The following CDK5RAP2 variants were observed in gnomAD, a reference collection of about 807,000 sequenced individuals.
The protein encoded by CDK5RAP2 is CDK5 regulatory subunit associated protein 2.
A neutral mutation model predicts 232.9 loss-of-function variants in CDK5RAP2; 147 were observed. The observed-to-expected ratio is 0.63, with a 90% CI of 0.55 to 0.72. The LOEUF (loss-of-function observed/expected upper bound fraction) is 0.72. CDK5RAP2 is among the 30% of genes least tolerant of loss of function. The probability of loss-of-function intolerance (pLI) is 0.00; values close to 1 mark genes in which losing one functional copy is unlikely to be tolerated. For synonymous variants in CDK5RAP2, 833 were observed against 833.7 expected (o/e 1.00, Z 0.01); for missense variants, 2,195 against 2,231.5 (o/e 0.98, Z 0.33).
At chr9:120,566,191 A>G (rs1313904336) in intron 3 of CDK5RAP2, among the ~76,000 whole-genome samples, 1 of 152,204 alleles carries the variant, frequency 6.6e-6, no homozygotes, top group Non-Finnish European at 1.5e-5. Context: ...CATCCCACAG[A>G]AAGTTCAGAC....
chr9:120,415,297 G>A (rs2034146345), intron 27 of CDK5RAP2, 138 bp from the exon 28 acceptor site: 1 of 919,850 alleles, frequency 1.1e-6, no homozygotes, highest in Non-Finnish European at 1.7e-6. Context: ...TTCTTTCCTA[G>A]GCATGGGGAG....
At position 120,403,960 on chromosome 9, in the gene CDK5RAP2, C is replaced by G; in HGVS notation, c.5041+76G>C. The G allele has an allele frequency of 1.0e-6, 1 of 983,356 alleles. No individual in the cohort carries two copies. The highest frequency in any genetic ancestry group is 1.3e-5 in the South Asian group (1 of 77,806). 60.9% of individuals were successfully genotyped at this position (983,356 alleles called of 1,614,324 possible). On this transcript the variant is annotated intron_variant, in intron 33 of 37. Transcript: ENST00000349780. The surrounding 1 kb of genome is among the most constrained non-coding windows in gnomAD (Gnocchi z 4.2). ...ACCCTCCTGAGTTGGGACCAGGGAC[C>G]CCCCTTTTCTGCAAGTTAAAAAGTC...
chr9:120,434,905 G>A (rs2035488124), intron 25 of CDK5RAP2, among the ~76,000 whole-genome samples: 1 of 152,144 alleles, frequency 6.6e-6, no homozygotes, highest in Admixed American at 6.5e-5. Context: ...AGAGAGAAAG[G>A]GGAATGGAAA....
At chr9:120,531,412 A>G (rs1181708763) in intron 7 of CDK5RAP2, among the ~76,000 whole-genome samples, 5 of 152,122 alleles carry the variant, frequency 3.3e-5, no homozygotes, top group African/African-American at 1.2e-4. Context: ...GTGTTATCAA[A>G]TAACACAATA....
intron 26 of CDK5RAP2, 123 bp downstream of exon 26, chr9:120,422,570 A>T (rs1439391108): frequency 1.3e-6 from 1 of 765,342 alleles, no homozygotes; most frequent in Non-Finnish European, 2.4e-6. Flanking sequence ...AGATGTTTAT[A>T]CCTTATTTAC....
chr9:120,400,989 T>C (rs868067882), intron 34 of CDK5RAP2, 104 bp from the exon 35 acceptor site: 2 of 1,298,200 alleles, frequency 1.5e-6, no homozygotes, highest in African/African-American at 1.5e-5. Context: ...GGCTTCTGTT[T>C]CACACGCTGA....
Position 120,572,057 on chromosome 9 carries a change from T to C in CDK5RAP2, c.60-16A>G. 1.3e-6 allele frequency: 2 copies of C among 1,586,262 alleles called. No homozygotes were observed. Among genetic ancestry groups the C allele is most frequent in the Non-Finnish European group, 1.7e-6 (2 of 1,155,176 alleles). On this transcript the variant is annotated splice_polypyrimidine_tract_variant and intron_variant, in intron 1 of 37. Transcript: ENST00000349780. ...AACAAGGCCACTAGGAGAGAACACA[T>C]GAGATAAGAGATGAGCTAATGTTTG...
intron 18 of CDK5RAP2, among the ~76,000 whole-genome samples, chr9:120,466,810 A>G (rs2037402937): frequency 6.6e-6 from 1 of 152,236 alleles, no homozygotes; most frequent in South Asian, 2.1e-4. Context: ...AGACAGCTTA[A>G]GGCTGACAAA....
intron 12 of CDK5RAP2, among the ~76,000 whole-genome samples, chr9:120,513,460 TAGAGGA>T (rs1238952780): frequency 3.9e-5 from 6 of 152,166 alleles, no homozygotes; most frequent in Admixed American, 1.3e-4. Context: ...GACACATCCC[TAGAGGA>T]ACCACCCTTT....
At position 120,484,889 on chromosome 9, in the gene CDK5RAP2, A is replaced by T. The variant is rs111318820; in HGVS notation, c.1626+2405T>A. Among the ~76,000 whole-genome samples the T allele has an allele frequency of 2.8e-3, 400 of 143,664 alleles. 3 individuals carry two copies. The highest frequency in any genetic ancestry group is 8.9e-3 in the African/African-American group (350 of 39,366). 94.2% of individuals were successfully genotyped at this position (143,664 alleles called of 152,430 possible). A position where few individuals can be genotyped will look rare whatever the true frequency, so the allele number is the denominator to read the frequency against. ...ACCACTGTGCCAACCTAATTTTAAT[A>T]TTTTTTTTTTTTTTGTAGATACTGG... is the stretch of plus-strand genomic sequence containing the variant. On this transcript the variant is annotated intron_variant, in intron 14 of 37. Transcript: ENST00000349780.
At chr9:120,437,180 A>G (rs1451335806) in intron 25 of CDK5RAP2, 115 bp downstream of exon 25, 1 of 769,820 alleles carries the variant, frequency 1.3e-6, no homozygotes, top group Admixed American at 2.0e-5. Context: ...TCACCTCATC[A>G]AGGCAGAGGG....
Position 120,439,780 on chromosome 9 carries a change from T to C in CDK5RAP2, c.3341A>G (p.Gln1114Arg), listed in dbSNP as rs1433388012. ...NTSNETEYLK[Q>R]KIHDLETELE... The stretch of plus-strand genomic sequence containing the variant: ...CTCAGTTTCCAAGTCATGGATTTTC[T>C]GTTTTAAGTATTCTGTCTCATTTGA... Residue 1114 changes from glutamine (Q) to arginine (R), a missense_variant, in exon 24 of 38, where the codon CAG (glutamine) becomes CGG (arginine). Physicochemically the swap from Gln to Arg is conservative, Grantham distance 43. Coordinates refer to ENST00000349780, the MANE Select transcript of CDK5RAP2 (RefSeq NM_018249.6). 1.2e-6 allele frequency: 2 copies of C among 1,614,110 alleles called. No homozygotes were observed. Among genetic ancestry groups the C allele is most frequent in the South Asian group, 1.1e-5 (1 of 91,092 alleles).
intron 20 of CDK5RAP2, among the ~76,000 whole-genome samples, chr9:120,458,121 T>G (rs899859260): frequency 6.6e-6 from 1 of 152,186 alleles, no homozygotes; most frequent in African/African-American, 2.4e-5. Flanking sequence ...TTTAAGCTGT[T>G]GTCGAAACTG....
chr9:120,447,914 G>C lies in CDK5RAP2; in HGVS notation c.3006C>G (p.Pro1002=), dbSNP rs149463541. The change falls in exon 22 of 38, where the codon CCC becomes CCG. Residue 1002 remains proline (P), a synonymous_variant. Transcript: ENST00000349780. ...AEAVMEGRPT[P]DKTLLNAQPP... ...GCTTACCATTCAGCAACGTTTTGTC[G>C]GGCGTTGGCCTCCCCTCCATCACTG... 1.0e-4 allele frequency: 167 copies of C among 1,613,954 alleles called. 2 individuals carry two copies. In the Middle Eastern group the frequency reaches 3.0e-3, roughly 29 times the overall value.
rs1471719844 is a variant in CDK5RAP2, at chr9:120,572,107, C to G, written c.60-66G>C. On this transcript the variant is annotated intron_variant, in intron 1 of 37. Coordinates refer to ENST00000349780, the MANE Select transcript of CDK5RAP2 (RefSeq NM_018249.6). ...GAACAACAGAGACTGTTAAGACGGT[C>G]TGGACTGCACATGACAATCATCCCA... The G allele has an allele frequency of 2.2e-5, 26 of 1,208,638 alleles. No individual in the cohort carries two copies. The East Asian group carries it at 6.1e-4, about 28-fold the overall frequency. The allele number at this position is 1,208,638 out of a possible 1,614,324, so 74.9% of individuals were successfully genotyped here. A position where few individuals can be genotyped will look rare whatever the true frequency, so the allele number is the denominator to read the frequency against.
rs940196596 is a variant in CDK5RAP2 at position 120,580,021 on chromosome 9, G to A, written c.-43C>T. On this transcript the variant is annotated 5_prime_UTR_variant, in exon 1 of 38. Transcript: ENST00000349780. Reference sequence around the variant, plus strand: ...CAGCGTTGGTGTCTGTGGCGGCGGCGCCACTAGTACCCCCCGCGATAGCGA... The same window carrying A: ...CAGCGTTGGTGTCTGTGGCGGCGGCACCACTAGTACCCCCCGCGATAGCGA... 26 of 1,366,708 alleles carry A rather than the reference G, an allele frequency of 1.9e-5. No individual in the cohort carries two copies. The highest frequency in any genetic ancestry group is 2.6e-5 in the Non-Finnish European group (25 of 961,008). The allele number at this position is 1,366,708 out of a possible 1,614,324, so 84.7% of individuals were successfully genotyped here.
intron 15 of CDK5RAP2, among the ~76,000 whole-genome samples, chr9:120,474,289 C>G (rs1184720230): frequency 6.6e-6 from 1 of 152,152 alleles, no homozygotes; most frequent in Non-Finnish European, 1.5e-5. Flanking sequence ...GCCAAGATTG[C>G]TGATTTTCAT....
At chr9:120,422,802 T>C (rs1380396427) in intron 25 of CDK5RAP2, 61 bp from the exon 26 acceptor site, 4 of 1,242,820 alleles carry the variant, frequency 3.2e-6, no homozygotes, top group Non-Finnish European at 4.7e-6. Flanking sequence ...TGTTCCCTAA[T>C]AATTTCCTGC....
chr9:120,401,150 T>G, intron 34 of CDK5RAP2: 1 of 462,224 alleles, frequency 2.2e-6, no homozygotes, highest in South Asian at 2.2e-5. Context: ...TAACTACAGT[T>G]ACTACTCCAA....
Sources: gnomAD v4.1 joint callset for allele counts (sites outside exome capture counted in the v4.1 genomes callset) on GRCh38, gnomAD v4.1.1 for gene constraint, Gnocchi (gnomAD v3.1) non-coding constraint, MANE v1.5 for transcripts, NCBI Gene and HGNC (gene_info 2026-07-23, HGNC 2026-07-21) for gene names.